DAB2IP: variants seen among roughly 807,000 people sequenced by gnomAD.
DAB2IP encodes the protein disabled homolog 2-interacting protein.
DAB2IP carries 28 observed loss-of-function variants against 107.2 expected under a neutral mutation model. The ratio of observed to expected loss-of-function variants is 0.26; its 90% CI spans 0.19 to 0.36. The LOEUF is 0.36. Among genes scored for constraint, DAB2IP ranks in the 10% least tolerant of loss-of-function variants. DAB2IP has a pLI of 1.00. For missense variants in DAB2IP, 1,400 were observed against 1,644.7 expected (o/e 0.85, Z 2.57); for synonymous variants, 755 against 706.4 (o/e 1.07, Z -1.09).
intron 1 of DAB2IP, among the ~76,000 whole-genome samples, chr9:121,653,848 A>G (rs1341629736): frequency 6.6e-6 from 1 of 152,200 alleles, no homozygotes; most frequent in Non-Finnish European, 1.5e-5. Context: ...CTTGTGTCCC[A>G]GCTTGAAGGA....
rs1269326827 is a variant in DAB2IP at position 121,684,671 on chromosome 9, G to A, written c.228+5890G>A. The stretch of plus-strand genomic sequence containing the variant: ...GGCATTCTCTGCTCCCTGCAGAGCC[G>A]GCCCCGCTGCCCCCCATTTGTGCCC... On this transcript the variant is annotated intron_variant, in intron 2 of 15. Coordinates refer to ENST00000408936, the Ensembl canonical transcript of DAB2IP. This position sits in a 1 kb window ranked among gnomAD's most constrained non-coding sequence, Gnocchi z 4.0. 6.6e-6 allele frequency among the ~76,000 whole-genome samples: 1 copy of A among 152,218 alleles called. No individual in the cohort carries two copies. Among genetic ancestry groups the A allele is most frequent in the Non-Finnish European group, 1.5e-5 (1 of 68,036 alleles).
In DAB2IP at chr9:121,760,985, C is replaced by T. The variant is rs1417373163; in HGVS notation, c.1170+546C>T. Among the ~76,000 whole-genome samples, 1 of 152,198 alleles carries T rather than the reference C, an allele frequency of 6.6e-6. No homozygotes were observed. The highest frequency in any genetic ancestry group is 2.4e-5 in the African/African-American group (1 of 41,456). On this transcript the variant is annotated intron_variant, in intron 6 of 15. Coordinates refer to ENST00000408936, the Ensembl canonical transcript of DAB2IP. The surrounding 1 kb of genome is among the most constrained non-coding windows in gnomAD (Gnocchi z 5.9). Reference sequence around the variant, plus strand: ...CTATTCGAGGGTTAGCCAGCCCCACCCCAGAGCCTCACAGAAGCGGGAATC... The same window carrying T: ...CTATTCGAGGGTTAGCCAGCCCCACTCCAGAGCCTCACAGAAGCGGGAATC...
chr9:121,711,864 T>C (rs1039343796), intron 3 of DAB2IP, among the ~76,000 whole-genome samples: 12 of 152,086 alleles, frequency 7.9e-5, no homozygotes, highest in Admixed American at 1.3e-4. Flanking sequence ...TTTATTCCCC[T>C]TTTTGCAGGC....
At chr9:121,594,982 T>C (rs1390199207) in intron 1 of DAB2IP, among the ~76,000 whole-genome samples, 4 of 152,030 alleles carry the variant, frequency 2.6e-5, no homozygotes, top group Non-Finnish European at 5.9e-5. Flanking sequence ...TAGAGCTTGG[T>C]GGACTTGGGA....
At chr9:121,746,950 ACT>A (rs1832762612) in intron 3 of DAB2IP, among the ~76,000 whole-genome samples, 1 of 152,102 alleles carries the variant, frequency 6.6e-6, no homozygotes, top group Non-Finnish European at 1.5e-5. Flanking sequence ...CCAGGCACAG[ACT>A]GAGCTCAAGG....
chr9:121,762,507 C>G (rs145752754), intron 6 of DAB2IP, among the ~76,000 whole-genome samples: 2,216 of 152,320 alleles, frequency 0.015, 47 homozygotes, highest in Non-Finnish European at 0.022. Flanking sequence ...TTTGCCCCTG[C>G]TGTCCCTCTG....
Position 121,776,132 on chromosome 9 carries a change from C to G in DAB2IP, c.3121-66C>G. ...GCTCCCTCCTACCCTTCCTCCCACT[C>G]GGGCTGACGAAGCTGTGCTCTCTGT... On this transcript the variant is annotated intron_variant, in intron 13 of 15. Transcript: ENST00000408936. The surrounding 1 kb of genome is among the most constrained non-coding windows in gnomAD (Gnocchi z 5.4). The G allele has an allele frequency of 6.5e-7, 1 of 1,530,420 alleles. No individual in the cohort carries two copies. Among genetic ancestry groups the G allele is most frequent in the Non-Finnish European group, 8.8e-7 (1 of 1,134,228 alleles). The allele number at this position is 1,530,420 out of a possible 1,614,324, so 94.8% of individuals were successfully genotyped here.
In DAB2IP at chr9:121,772,789, C is replaced by G. The variant is rs776553680; in HGVS notation, c.2261C>G (p.Ala754Gly). The G allele has an allele frequency of 6.2e-7, 1 of 1,613,014 alleles. No homozygotes were observed. The highest frequency in any genetic ancestry group is 8.5e-7 in the Non-Finnish European group (1 of 1,179,812). Residue 754 changes from alanine to glycine, a missense_variant, in exon 12 of 16, where the codon GCC becomes GGC. By Grantham distance (60) the Ala-to-Gly change is moderately conservative (BLOSUM62 0). This residue lies in a region of DAB2IP where 600 missense variants were observed against 659.1 expected (regional missense o/e 0.91). Transcript: ENST00000408936. The surrounding 1 kb of genome is among the most constrained non-coding windows in gnomAD (Gnocchi z 4.7). ...CTCTCCATGGTGGACCTCCAGGACG[C>G]CCGCACGCTGGATGGGGAGGCAGGC... is the stretch of plus-strand genomic sequence containing the variant.
At chr9:121,578,910 C>T (rs1395941596) in intron 1 of DAB2IP, among the ~76,000 whole-genome samples, 3 of 151,822 alleles carry the variant, frequency 2.0e-5, no homozygotes, top group Admixed American at 1.3e-4. Context: ...TCTCTGCTTC[C>T]CCACTGGCAT....
At chr9:121,710,469 T>C (rs1830285300) in intron 3 of DAB2IP, among the ~76,000 whole-genome samples, 2 of 152,130 alleles carry the variant, frequency 1.3e-5, no homozygotes, top group African/African-American at 4.8e-5. Context: ...ACTTATCACT[T>C]ATTCTCAAGC....
At chr9:121,691,179 C>T (rs1450198134) in intron 2 of DAB2IP, among the ~76,000 whole-genome samples, 2 of 152,226 alleles carry the variant, frequency 1.3e-5, no homozygotes, top group South Asian at 2.1e-4. Context: ...ACCTGCCAGG[C>T]GTCCAGCACT....
chr9:121,691,608 A>C (rs1187924526), intron 2 of DAB2IP, among the ~76,000 whole-genome samples: 2 of 152,188 alleles, frequency 1.3e-5, no homozygotes, highest in African/African-American at 2.4e-5. Flanking sequence ...AAATGGGCTA[A>C]GTTTCTTCCA....
In DAB2IP at chr9:121,776,424, G is replaced by A; in HGVS notation, c.3314+33G>A. 6.7e-7 allele frequency: 1 copy of A among 1,482,238 alleles called. No individual in the cohort carries two copies. Among genetic ancestry groups the A allele is most frequent in the South Asian group, 1.4e-5 (1 of 72,658 alleles). 91.8% of individuals were successfully genotyped at this position (1,482,238 alleles called of 1,614,324 possible). On this transcript the variant is annotated intron_variant, in intron 14 of 15. Coordinates refer to ENST00000408936, the Ensembl canonical transcript of DAB2IP. The surrounding 1 kb of genome is among the most constrained non-coding windows in gnomAD (Gnocchi z 5.4). ...CCACACCTGCCTGGCCTGGCCACAG[G>A]CACAGGCAGGGCAGCCATCGCTGCC...
intron 1 of DAB2IP, among the ~76,000 whole-genome samples, chr9:121,572,207 C>T (rs755756031): frequency 1.3e-5 from 2 of 152,092 alleles, no homozygotes; most frequent in Non-Finnish European, 1.5e-5. Flanking sequence ...TCGTGGGTAC[C>T]GTCCTCCTAC....
At position 121,768,426 on chromosome 9, in the gene DAB2IP, C is replaced by G; in HGVS notation, c.1698-6C>G. ...AGTAGTGCTCACCCAACTGCCCTCT[C>G]TCCAGATTTGGCAGCAAGGAGGAAT... is the stretch of plus-strand genomic sequence containing the variant. On this transcript the variant is annotated splice_polypyrimidine_tract_variant and splice_region_variant and intron_variant, in intron 9 of 15. Coordinates refer to ENST00000408936, the Ensembl canonical transcript of DAB2IP. 1 of 1,614,174 alleles carries G rather than the reference C, an allele frequency of 6.2e-7. No homozygotes were observed. Among genetic ancestry groups the G allele is most frequent in the Non-Finnish European group, 8.5e-7 (1 of 1,180,004 alleles).
chr9:121,716,836 A>G (rs958583740), intron 3 of DAB2IP, among the ~76,000 whole-genome samples: 2 of 152,210 alleles, frequency 1.3e-5, no homozygotes, highest in African/African-American at 4.8e-5. Context: ...CACGTTTCCC[A>G]TGGTCAACCC....
intron 1 of DAB2IP, among the ~76,000 whole-genome samples, chr9:121,622,284 G>T (rs1046188072): frequency 3.3e-5 from 5 of 152,152 alleles, no homozygotes; most frequent in Non-Finnish European, 7.3e-5. Flanking sequence ...CACCGCACCC[G>T]GCCCCGTTTG....
At chr9:121,783,682 C>A in exon 16 of DAB2IP, 2 of 1,189,220 alleles carry the variant, frequency 1.7e-6, no homozygotes, top group South Asian at 1.2e-5. Flanking sequence ...GCACCTGCCC[C>A]GTGTGTGTGG....
intron 1 of DAB2IP, among the ~76,000 whole-genome samples, chr9:121,580,023 A>T (rs192526325): frequency 1.1e-4 from 17 of 152,166 alleles, no homozygotes. Flanking sequence ...CTCGCCCTAG[A>T]GATTTGGATT....
Sources: allele counts gnomAD v4.1 joint callset (sites outside exome capture counted in the v4.1 genomes callset), GRCh38; gene constraint gnomAD v4.1.1; regional missense constraint gnomAD v4.1.1; non-coding constraint Gnocchi (gnomAD v3.1); transcripts MANE v1.5; gene names NCBI Gene and HGNC (gene_info 2026-07-23, HGNC 2026-07-21).